ACIN1: variants seen among roughly 807,000 people sequenced by gnomAD.
ACIN1 encodes apoptotic chromatin condensation inducer 1.
In ACIN1, 16 loss-of-function variants were observed where a neutral mutation model predicts 146.6. That is an observed-to-expected ratio of 0.11 (90% CI 0.07 to 0.17). The LOEUF is 0.17. Ranked by LOEUF, ACIN1 falls within the 10% of genes least tolerant of loss-of-function variation. The pLI is 1.00. For missense variants in ACIN1, 1,357 were observed against 1,609.3 expected (o/e 0.84, Z 2.68); for synonymous variants, 569 against 582.7 (o/e 0.98, Z 0.34).
chr14:23,069,105 C>A (rs2047547727), intron 9 of ACIN1: 2 of 997,878 alleles, frequency 2.0e-6, no homozygotes, highest in African/African-American at 3.5e-5. Context: ...CGTTGGGCTC[C>A]ATCAGGCTTT....
intron 8 of ACIN1, among the ~76,000 whole-genome samples, chr14:23,073,606 C>T (rs1012019066): frequency 6.6e-5 from 10 of 151,904 alleles, no homozygotes; most frequent in South Asian, 2.1e-4. Context: ...TGTGGTGAGC[C>T]GAGATCGTGC....
Position 23,059,214 on chromosome 14 carries a change from G to A in ACIN1, c.3786C>T (p.Asp1262=). ...RERGRERDRR[D]TKRHSRSRSR... is the part of the protein sequence containing the mutation. Reference sequence around the variant, plus strand: ...TCCGGCTTCTGCTGTGGCGCTTGGTGTCCCTGCGATCCCTTTCCCTGCCTC... The same window carrying A: ...TCCGGCTTCTGCTGTGGCGCTTGGTATCCCTGCGATCCCTTTCCCTGCCTC... Residue 1262 remains aspartate, a synonymous_variant, in exon 19 of 19, where the codon GAC becomes GAT. Coordinates refer to ENST00000605057, the MANE Select transcript of ACIN1 (RefSeq NM_001386863.1). The A allele has an allele frequency of 3.7e-6, 6 of 1,613,886 alleles. No individual in the cohort carries two copies. The highest frequency in any genetic ancestry group is 3.3e-5 in the South Asian group (3 of 91,050).
At position 23,072,315 on chromosome 14, in the gene ACIN1, G is replaced by A. The variant is rs560047759; in HGVS notation, c.2124-2698C>T. 7.9e-5 allele frequency among the ~76,000 whole-genome samples: 12 copies of A among 152,228 alleles called. No individual in the cohort carries two copies. The East Asian group carries it at 1.4e-3, about 17-fold the overall frequency. Reference sequence around the variant, plus strand: ...GGTCACCCTGCCCCAGGGTCCACTCGGGCCAGAAAAAGAAAGGATAAACAG... The same window carrying A: ...GGTCACCCTGCCCCAGGGTCCACTCAGGCCAGAAAAAGAAAGGATAAACAG... On this transcript the variant is annotated intron_variant, in intron 8 of 18. Coordinates refer to ENST00000605057, the MANE Select transcript of ACIN1 (RefSeq NM_001386863.1).
At chr14:23,071,701 G>T in intron 8 of ACIN1, 2 of 781,828 alleles carry the variant, frequency 2.6e-6, no homozygotes, top group Non-Finnish European at 3.9e-6. Flanking sequence ...GGCTCCAGAG[G>T]CCTGGCCTTC....
Position 23,061,634 on chromosome 14 carries a change from G to A in ACIN1, c.3100-12C>T. The A allele has an allele frequency of 6.6e-7, 1 of 1,516,408 alleles. No individual in the cohort carries two copies. The highest frequency in any genetic ancestry group is 2.5e-5 in the East Asian group (1 of 40,732). 93.9% of individuals were successfully genotyped at this position (1,516,408 alleles called of 1,614,324 possible). A position where few individuals can be genotyped will look rare whatever the true frequency, so the allele number is the denominator to read the frequency against. The stretch of plus-strand genomic sequence containing the variant: ...CGGTGATAATCCAGCTGTGGGGAGA[G>A]GAGGGACAAGGACAGTTAGGATAGA... On this transcript the variant is annotated splice_polypyrimidine_tract_variant and intron_variant, in intron 16 of 18. Coordinates refer to ENST00000605057, the MANE Select transcript of ACIN1 (RefSeq NM_001386863.1).
chr14:23,080,005 G>A lies in ACIN1; in HGVS notation c.1330C>T (p.Pro444Ser). Residue 444 changes from proline (P) to serine (S), a missense_variant, in exon 6 of 19, where the codon CCT becomes TCT. Coordinates refer to ENST00000605057, the MANE Select transcript of ACIN1 (RefSeq NM_001386863.1). ...GCCAGTGTGCTTTTCTGAACCAGAG[G>A]CAGGACACTCTCCTCTGGCACTTTC... ...AEKVPEESVL[P>S]LVQKSTLADY... The A allele has an allele frequency of 6.2e-7, 1 of 1,614,092 alleles. No homozygotes were observed. Among genetic ancestry groups the A allele is most frequent in the South Asian group, 1.1e-5 (1 of 91,082 alleles).
rs115525739 is a variant in ACIN1, at chr14:23,085,628, G to A, written c.437-3792C>T. Among the ~76,000 whole-genome samples, 566 of 152,244 alleles carry A rather than the reference G, an allele frequency of 3.7e-3. 3 individuals are homozygous for A. Among genetic ancestry groups the A allele is most frequent in the African/African-American group, 0.013 (529 of 41,544 alleles). ...TGCAATAAAAGCAGAAACTGGAGGC[G>A]CCTCAGACATGAAACAAGAAATTAG... On this transcript the variant is annotated intron_variant, in intron 4 of 18. Coordinates refer to ENST00000605057, the MANE Select transcript of ACIN1 (RefSeq NM_001386863.1).
rs17308786 is a variant in ACIN1 at position 23,080,866 on chromosome 14, G to C, written c.526-57C>G. On this transcript the variant is annotated intron_variant, in intron 5 of 18. Coordinates refer to ENST00000605057, the MANE Select transcript of ACIN1 (RefSeq NM_001386863.1). Reference sequence around the variant, plus strand: ...GTATTTGCTCACAGTCAACAGAGGAGAGAAAGTATCTAATGAAGACACCCC... The same window carrying C: ...GTATTTGCTCACAGTCAACAGAGGACAGAAAGTATCTAATGAAGACACCCC... 2.0e-6 allele frequency: 3 copies of C among 1,528,442 alleles called. No homozygotes were observed. In the East Asian group the frequency reaches 6.8e-5, roughly 35 times the overall value. 94.7% of individuals were successfully genotyped at this position (1,528,442 alleles called of 1,614,324 possible). A position where few individuals can be genotyped will look rare whatever the true frequency, so the allele number is the denominator to read the frequency against.
chr14:23,079,447 C>T, intron 6 of ACIN1, 100 bp downstream of exon 6: 1 of 1,528,324 alleles, frequency 6.5e-7, no homozygotes, highest in South Asian at 1.3e-5. Context: ...GAGGCTTTTC[C>T]TATTCCTTTC....
At chr14:23,070,436 A>G (rs2140073172) in intron 8 of ACIN1, among the ~76,000 whole-genome samples, 1 of 152,046 alleles carries the variant, frequency 6.6e-6, no homozygotes, top group East Asian at 1.9e-4. Context: ...AGATAAAGAG[A>G]GCAGGCCTCC....
intron 4 of ACIN1, among the ~76,000 whole-genome samples, chr14:23,086,952 C>G (rs769864190): frequency 6.6e-6 from 1 of 152,122 alleles, no homozygotes; most frequent in Non-Finnish European, 1.5e-5. Context: ...AAATGTAGAG[C>G]CCCAGGACTC....
At chr14:23,064,646 C>A in intron 10 of ACIN1, 158 bp from the exon 11 acceptor site, 2 of 1,074,762 alleles carry the variant, frequency 1.9e-6, no homozygotes, top group Non-Finnish European at 2.6e-6. Context: ...CACCTGTAAT[C>A]CCAGCACTTT....
intron 1 of ACIN1, chr14:23,094,550 C>G: frequency 2.0e-6 from 2 of 985,216 alleles, no homozygotes; most frequent in Non-Finnish European, 2.4e-6. Flanking sequence ...GTGCAGATAC[C>G]GATACCAACC....
At chr14:23,095,322 G>T (rs752652862), upstream of ACIN1, 3 of 1,560,934 alleles carry the variant, frequency 1.9e-6, no homozygotes, top group South Asian at 1.2e-5. Context: ...GCCCTGCAGC[G>T]CCCCTTTTCT....
chr14:23,079,968 G>A lies in ACIN1; in HGVS notation c.1367C>T (p.Ala456Val). 1 of 1,614,082 alleles carries A rather than the reference G, an allele frequency of 6.2e-7. No individual in the cohort carries two copies. The highest frequency in any genetic ancestry group is 8.5e-7 in the Non-Finnish European group (1 of 1,180,026). The change falls in exon 6 of 19, where the codon GCC (alanine) becomes GTC (valine). Residue 456 changes from alanine (A) to valine (V), a missense_variant. Coordinates refer to ENST00000605057, the MANE Select transcript of ACIN1 (RefSeq NM_001386863.1). ...TGACTCAGGTTCAAGATCCTTCTGGGCTGAGTAGTCAGCCAGTGTGCTTTT... is the reference window on the plus strand; with the variant it reads ...TGACTCAGGTTCAAGATCCTTCTGGACTGAGTAGTCAGCCAGTGTGCTTTT... Reference protein sequence around the residue: ...VQKSTLADYSAQKDLEPESDR... With the variant: ...VQKSTLADYSVQKDLEPESDR...
Position 23,068,767 on chromosome 14 carries a change from C to G in ACIN1, c.2265+709G>C, listed in dbSNP as rs1052898750. On this transcript the variant is annotated intron_variant, in intron 9 of 18. Transcript: ENST00000605057. The surrounding 1 kb of genome is among the most constrained non-coding windows in gnomAD (Gnocchi z 4.3). ...CGGCCCCCACCCCCGCAACACACAC[C>G]AGAAAAAGGCTACACACACAACAGT... is the stretch of plus-strand genomic sequence containing the variant. 4.1e-5 allele frequency: 40 copies of G among 985,408 alleles called. No homozygotes were observed. Among genetic ancestry groups the G allele is most frequent in the Non-Finnish European group, 4.8e-5 (40 of 830,014 alleles). 61.0% of individuals were successfully genotyped at this position (985,408 alleles called of 1,614,324 possible). A position where few individuals can be genotyped will look rare whatever the true frequency, so the allele number is the denominator to read the frequency against.
intron 8 of ACIN1, among the ~76,000 whole-genome samples, chr14:23,076,887 C>T (rs374846367): frequency 1.3e-5 from 2 of 152,240 alleles, no homozygotes; most frequent in East Asian, 1.9e-4. Flanking sequence ...TTCCAGAATC[C>T]GCTGAGTTTT....
chr14:23,061,901 A>G (rs549295740), intron 16 of ACIN1, among the ~76,000 whole-genome samples: 131 of 148,126 alleles, frequency 8.8e-4, no homozygotes, highest in Non-Finnish European at 1.6e-3. Context: ...GTGAACCCGG[A>G]AGGCGGAGCT....
Position 23,065,384 on chromosome 14 carries a change from A to G in ACIN1, c.2308+582T>C, listed in dbSNP as rs546550961. Among the ~76,000 whole-genome samples, 7 of 152,330 alleles carry G rather than the reference A, an allele frequency of 4.6e-5. No individual in the cohort carries two copies. In the South Asian group the frequency reaches 1.5e-3, roughly 32 times the overall value. On this transcript the variant is annotated intron_variant, in intron 10 of 18. Transcript: ENST00000605057. Reference sequence around the variant, plus strand: ...AGGCGGATCACAAGGTCAGGAGTTCAAGACCAGCCTGTCCAACATGGGGAA... The same window carrying G: ...AGGCGGATCACAAGGTCAGGAGTTCGAGACCAGCCTGTCCAACATGGGGAA...
Sources: gnomAD v4.1 joint callset for allele counts (sites outside exome capture counted in the v4.1 genomes callset) on GRCh38, gnomAD v4.1.1 for gene constraint, Gnocchi (gnomAD v3.1) non-coding constraint, MANE v1.5 for transcripts, NCBI Gene and HGNC (gene_info 2026-07-23, HGNC 2026-07-21) for gene names.